Variants in CNTNAP2 observed in about 807,000 individuals in gnomAD.
CNTNAP2 encodes contactin-associated protein-like 2.
A neutral mutation model predicts 155.2 loss-of-function variants in CNTNAP2; 98 were observed. That is an observed-to-expected ratio of 0.63 (90% CI 0.54 to 0.75). CNTNAP2 has a LOEUF of 0.75. CNTNAP2 is among the 30% of genes least tolerant of loss of function. The pLI, the probability that CNTNAP2 is intolerant of heterozygous loss-of-function variation, is 0.00. For synonymous variants in CNTNAP2, 651 were observed against 631.2 expected (o/e 1.03, Z -0.47); for missense variants, 1,727 against 1,688.1 (o/e 1.02, Z -0.40).
At chr7:147,954,614 T>C (rs1247227523) in intron 14 of CNTNAP2, among the ~76,000 whole-genome samples, 1 of 152,186 alleles carries the variant, frequency 6.6e-6, no homozygotes, top group Non-Finnish European at 1.5e-5. Flanking sequence ...CTGAAAAGCA[T>C]AGTTATTTTC....
At chr7:147,268,168 TACCATTTGTAG>T (rs1264037404) in intron 8 of CNTNAP2, among the ~76,000 whole-genome samples, 1 of 151,660 alleles carries the variant, frequency 6.6e-6, no homozygotes, top group Non-Finnish European at 1.5e-5. Context: ...AGAATGAATC[TACCATTTGTAG>T]ACATTTATTA....
At chr7:147,620,820 C>G (rs907069993) in intron 12 of CNTNAP2, among the ~76,000 whole-genome samples, 9 of 151,964 alleles carry the variant, frequency 5.9e-5, no homozygotes, top group African/African-American at 2.2e-4. Context: ...ATGGGGTAGA[C>G]AGTTAATTCA....
chr7:146,543,701 A>G (rs1164894232), intron 1 of CNTNAP2, among the ~76,000 whole-genome samples: 1 of 151,928 alleles, frequency 6.6e-6, no homozygotes, highest in African/African-American at 2.4e-5. Context: ...CTCTTTACTG[A>G]TATTCCTTCT....
At chr7:147,384,055 A>G (rs185771296) in intron 9 of CNTNAP2, among the ~76,000 whole-genome samples, 7 of 152,310 alleles carry the variant, frequency 4.6e-5, no homozygotes, top group African/African-American at 1.7e-4. Flanking sequence ...ACTGACCTGA[A>G]TCATATGGAT....
chr7:146,507,103 T>C (rs1243697146), intron 1 of CNTNAP2, among the ~76,000 whole-genome samples: 1 of 152,188 alleles, frequency 6.6e-6, no homozygotes, highest in African/African-American at 2.4e-5. Flanking sequence ...CATCCCAGTC[T>C]GGGGTTCATT....
intron 3 of CNTNAP2, among the ~76,000 whole-genome samples, chr7:146,868,273 G>A (rs1457417117): frequency 6.6e-6 from 1 of 152,068 alleles, no homozygotes; most frequent in Non-Finnish European, 1.5e-5. Context: ...TTATTGAAGA[G>A]GGAGCCTTCC....
At chr7:146,132,880 C>T (rs1389095026) in intron 1 of CNTNAP2, among the ~76,000 whole-genome samples, 2 of 149,122 alleles carry the variant, frequency 1.3e-5, no homozygotes, top group Non-Finnish European at 3.0e-5. Flanking sequence ...CATACATGTG[C>T]ATGTGTCTTT....
At chr7:147,532,024 G>A (rs112246455) in intron 11 of CNTNAP2, among the ~76,000 whole-genome samples, 26,622 of 151,806 alleles carry the variant, frequency 0.18, 2,532 homozygotes, top group Admixed American at 0.25. Flanking sequence ...AGCCAGGATG[G>A]TCTCGATCTC....
At chr7:147,658,895 G>A (rs550864643) in intron 13 of CNTNAP2, among the ~76,000 whole-genome samples, 1 of 152,028 alleles carries the variant, frequency 6.6e-6, no homozygotes, top group Non-Finnish European at 1.5e-5. Flanking sequence ...TTCTCTTTGT[G>A]GTAATTTTGT....
intron 2 of CNTNAP2, among the ~76,000 whole-genome samples, chr7:146,835,092 G>A (rs1803590737): frequency 6.6e-6 from 1 of 152,010 alleles, no homozygotes; most frequent in Non-Finnish European, 1.5e-5. Context: ...TATTTCTTCT[G>A]ATTTTAGATT....
At chr7:147,530,347 T>G (rs559820360) in intron 11 of CNTNAP2, among the ~76,000 whole-genome samples, 1 of 152,152 alleles carries the variant, frequency 6.6e-6, no homozygotes, top group East Asian at 1.9e-4. Context: ...GCCTGGCTAA[T>G]TTTTGTATTT....
chr7:147,277,378 CAAAAAGAAAAG>C (rs1259414245), intron 8 of CNTNAP2, among the ~76,000 whole-genome samples: 1 of 151,342 alleles, frequency 6.6e-6, no homozygotes, highest in African/African-American at 2.4e-5. Context: ...AAATGAGAAC[CAAAAAGAAAAG>C]AAAAACAGAA....
intron 13 of CNTNAP2, among the ~76,000 whole-genome samples, chr7:147,697,371 C>T (rs958115518): frequency 6.6e-6 from 1 of 152,054 alleles, no homozygotes; most frequent in Non-Finnish European, 1.5e-5. Context: ...CCATATCTGA[C>T]TCTGGTTCTG....
intron 13 of CNTNAP2, among the ~76,000 whole-genome samples, chr7:147,731,851 A>C (rs904931269): frequency 1.3e-5 from 2 of 152,124 alleles, no homozygotes; most frequent in Non-Finnish European, 2.9e-5. Flanking sequence ...AGTTGATTCC[A>C]ACCCTTATGG....
chr7:146,782,588 T>A (rs1349825147), intron 2 of CNTNAP2, among the ~76,000 whole-genome samples: 1 of 152,206 alleles, frequency 6.6e-6, no homozygotes, highest in African/African-American at 2.4e-5. Context: ...GATATAATAA[T>A]GATAAAGGAT....
intron 1 of CNTNAP2, among the ~76,000 whole-genome samples, chr7:146,505,785 A>T (rs761326217): frequency 3.3e-5 from 5 of 152,132 alleles, no homozygotes; most frequent in African/African-American, 4.8e-5. Context: ...TGGTTGGAGG[A>T]AGTCATCTTT....
At chr7:147,370,627 C>T (rs826809) in intron 9 of CNTNAP2, among the ~76,000 whole-genome samples, 77,573 of 151,822 alleles carry the variant, frequency 0.51, 20,599 homozygotes, top group East Asian at 0.75. Context: ...CTTTTCTGAT[C>T]GACAACTATG....
intron 1 of CNTNAP2, among the ~76,000 whole-genome samples, chr7:146,524,516 G>A (rs949637464): frequency 1.3e-5 from 2 of 152,040 alleles, no homozygotes; most frequent in Non-Finnish European, 2.9e-5. Flanking sequence ...AGTTGACCAC[G>A]ATTGTATCTG....
intron 8 of CNTNAP2, among the ~76,000 whole-genome samples, chr7:147,298,272 A>T (rs1794875075): frequency 2.6e-5 from 4 of 152,024 alleles, no homozygotes; most frequent in African/African-American, 9.7e-5. Flanking sequence ...TAAAAATACA[A>T]AATTAGCCAG....
Sources: gnomAD v4.1 joint callset for allele counts (sites outside exome capture counted in the v4.1 genomes callset) on GRCh38, gnomAD v4.1.1 for gene constraint, MANE v1.5 for transcripts, NCBI Gene and HGNC (gene_info 2026-07-23, HGNC 2026-07-21) for gene names.